PLXNA4: variants seen among roughly 807,000 people sequenced by gnomAD.
PLXNA4 encodes the protein plexin A4.
PLXNA4 carries 44 observed loss-of-function variants against 191.8 expected under a neutral mutation model. The observed-to-expected ratio is 0.23, with a 90% CI of 0.18 to 0.29. The LOEUF is 0.29. Ranked by LOEUF, PLXNA4 falls within the 10% of genes least tolerant of loss-of-function variation. The pLI is 1.00. For synonymous variants in PLXNA4, 1,082 were observed against 1,009.5 expected, an observed-to-expected ratio of 1.07 and a Z score of -1.36; for missense variants, 1,800 against 2,488.8, an observed-to-expected ratio of 0.72 and a Z score of 5.89.
intron 2 of PLXNA4, among the ~76,000 whole-genome samples, chr7:132,607,953 T>C (rs1379475245): frequency 6.9e-6 from 1 of 144,246 alleles, no homozygotes; most frequent in Non-Finnish European, 1.5e-5. Context: ...TCCTCATCAC[T>C]ATCACCATCA....
chr7:132,273,651 G>A (rs12164095), intron 4 of PLXNA4, among the ~76,000 whole-genome samples: 1 of 152,092 alleles, frequency 6.6e-6, no homozygotes, highest in South Asian at 2.1e-4. Context: ...GAGAACCTAG[G>A]ACTCCCTACT....
chr7:132,552,639 A>C (rs1341977692), intron 1 of PLXNA4, among the ~76,000 whole-genome samples: 1 of 152,158 alleles, frequency 6.6e-6, no homozygotes, highest in Non-Finnish European at 1.5e-5. Context: ...GTGGTATCTG[A>C]TTACCCGAGC....
intron 1 of PLXNA4, among the ~76,000 whole-genome samples, chr7:132,568,987 G>A (rs957665524): frequency 1.3e-5 from 2 of 152,194 alleles, no homozygotes; most frequent in African/African-American, 2.4e-5. Context: ...TCTGCAGGGA[G>A]AGCCAAGGAA....
intron 1 of PLXNA4, among the ~76,000 whole-genome samples, chr7:132,563,247 TCTCCTA>T (rs1801421866): frequency 1.5e-5 from 1 of 66,920 alleles, no homozygotes; most frequent in Admixed American, 1.7e-4. Context: ...TCCTCCTCCT[TCTCCTA>T]CTCCTTCTCC....
At chr7:132,299,786 C>T (rs765230711) in intron 3 of PLXNA4, among the ~76,000 whole-genome samples, 13 of 152,164 alleles carry the variant, frequency 8.5e-5, no homozygotes, top group Non-Finnish European at 1.3e-4. Context: ...TGATCTTACT[C>T]TCTGCCACAG....
intron 2 of PLXNA4, among the ~76,000 whole-genome samples, chr7:132,623,040 C>T (rs1490521442): frequency 6.6e-6 from 1 of 152,102 alleles, no homozygotes; most frequent in African/African-American, 2.4e-5. Flanking sequence ...GCCCCTTCTC[C>T]ATTGGGTATA....
At chr7:132,446,968 T>C (rs895072391) in intron 3 of PLXNA4, among the ~76,000 whole-genome samples, 4 of 151,710 alleles carry the variant, frequency 2.6e-5, no homozygotes, top group Non-Finnish European at 5.9e-5. Context: ...ACATCCATAA[T>C]GCGCATTTTC....
In PLXNA4 at chr7:132,146,422, G is replaced by C. The variant is rs577268368; in HGVS notation, c.5055+88C>G. 29 of 1,608,740 alleles carry C rather than the reference G, an allele frequency of 1.8e-5. No individual in the cohort carries two copies. The Admixed American group carries it at 4.0e-4, about 22-fold the overall frequency. Reference sequence around the variant, plus strand: ...GAGTGGGCACCAGCATGAATGCTGGGTACTGGCTACTCTGGCATTTCTGTG... The same window carrying C: ...GAGTGGGCACCAGCATGAATGCTGGCTACTGGCTACTCTGGCATTTCTGTG... On this transcript the variant is annotated intron_variant, in intron 28 of 31. Transcript: ENST00000321063.
intron 3 of PLXNA4, among the ~76,000 whole-genome samples, chr7:132,329,940 G>A (rs116073177): frequency 2.6e-5 from 4 of 152,194 alleles, no homozygotes; most frequent in Non-Finnish European, 5.9e-5. Context: ...GAGAAGCCAG[G>A]TGCTGTCCTG....
chr7:132,630,257 A>C (rs1350713437), intron 2 of PLXNA4, among the ~76,000 whole-genome samples: 2 of 152,198 alleles, frequency 1.3e-5, no homozygotes, highest in East Asian at 3.9e-4. Context: ...AAATACAGTC[A>C]CACTGGGTAT....
At chr7:132,229,086 C>T (rs1227303457) in intron 5 of PLXNA4, among the ~76,000 whole-genome samples, 3 of 152,148 alleles carry the variant, frequency 2.0e-5, no homozygotes, top group African/African-American at 7.2e-5. Flanking sequence ...GCAGTCCTCT[C>T]CTGCCAAGTA....
Position 132,129,180 on chromosome 7 carries a change from G to C in PLXNA4, c.*1299C>G, listed in dbSNP as rs1253157434. On this transcript the variant is annotated 3_prime_UTR_variant, in exon 32 of 32. Transcript: ENST00000321063. ...CCAGATCTGACAAGCTGGAGGCTGA[G>C]GTTGGCTGGCATTTTGGGCTGTCTC... 6.6e-6 allele frequency: 1 copy of C among 152,268 alleles called. No individual in the cohort carries two copies. The highest frequency in any genetic ancestry group is 1.5e-5 in the Non-Finnish European group (1 of 68,070). The allele number at this position is 152,268 out of a possible 1,614,324, so 9.4% of individuals were successfully genotyped here. A position where few individuals can be genotyped will look rare whatever the true frequency, so the allele number is the denominator to read the frequency against.
Position 132,369,532 on chromosome 7 carries a change from G to T in PLXNA4, c.1372-71310C>A, listed in dbSNP as rs79651896. ...AGAAGCCAGGGGGGCTGTGTGGAAA[G>T]AATGGAAGAGCCCCCAGTGGGCATA... On this transcript the variant is annotated intron_variant, in intron 3 of 31. Coordinates refer to ENST00000321063, the MANE Select transcript of PLXNA4 (RefSeq NM_020911.2). 2.1e-3 allele frequency among the ~76,000 whole-genome samples: 321 copies of T among 152,204 alleles called. 1 individual carries two copies. The highest frequency in any genetic ancestry group is 7.6e-3 in the African/African-American group (314 of 41,542).
intron 2 of PLXNA4, among the ~76,000 whole-genome samples, chr7:132,496,604 G>T (rs1798020954): frequency 6.6e-6 from 1 of 152,134 alleles, no homozygotes; most frequent in African/African-American, 2.4e-5. Flanking sequence ...GTTTCACTAT[G>T]TTGGCCAGGC....
intron 3 of PLXNA4, among the ~76,000 whole-genome samples, chr7:132,404,738 G>T (rs1274005361): frequency 6.6e-6 from 1 of 152,234 alleles, no homozygotes; most frequent in East Asian, 1.9e-4. Flanking sequence ...GGGGTATAGA[G>T]ATTGAGATAA....
intron 1 of PLXNA4, among the ~76,000 whole-genome samples, chr7:132,511,144 G>A (rs1563143380): frequency 6.6e-6 from 1 of 152,166 alleles, no homozygotes; most frequent in Non-Finnish European, 1.5e-5. Flanking sequence ...ACTGTTTCTT[G>A]ACTGGCAGAA....
At chr7:132,148,673 AG>A in intron 25 of PLXNA4, 27 bp from the exon 26 acceptor site, 6 of 1,613,792 alleles carry the variant, frequency 3.7e-6, no homozygotes, top group Non-Finnish European at 5.1e-6. Flanking sequence ...GGCGTTTCAG[AG>A]AGGCCCTATG....
chr7:132,563,037 C>T (rs1801364971), intron 1 of PLXNA4, among the ~76,000 whole-genome samples: 1 of 114,354 alleles, frequency 8.7e-6, no homozygotes, highest in Non-Finnish European at 1.8e-5. Flanking sequence ...TCTCCTCCTC[C>T]TTCTCTTCTT....
intron 2 of PLXNA4, among the ~76,000 whole-genome samples, chr7:132,590,891 G>A (rs1040333586): frequency 1.6e-4 from 25 of 152,266 alleles, no homozygotes; most frequent in Middle Eastern, 3.4e-3. Flanking sequence ...GCAGTCTGGA[G>A]GTAGGTGGCT....
Sources: gnomAD v4.1 joint callset for allele counts (sites outside exome capture counted in the v4.1 genomes callset) on GRCh38, gnomAD v4.1.1 for gene constraint, MANE v1.5 for transcripts, NCBI Gene and HGNC (gene_info 2026-07-23, HGNC 2026-07-21) for gene names.